Variants in CNTNAP2 observed in about 807,000 individuals in gnomAD.
The protein encoded by CNTNAP2 is contactin associated protein 2, also known as contactin-associated protein-like 2.
A neutral mutation model predicts 155.2 loss-of-function variants in CNTNAP2; 98 were observed. That is an observed-to-expected ratio of 0.63 (90% CI 0.54 to 0.75). CNTNAP2 has a LOEUF of 0.75. Ranked by LOEUF, CNTNAP2 falls within the 30% of genes least tolerant of loss-of-function variation. The pLI, the probability that CNTNAP2 is intolerant of heterozygous loss-of-function variation, is 0.00. For missense variants in CNTNAP2, 1,727 were observed against 1,688.1 expected (o/e 1.02, Z -0.40); for synonymous variants, 651 against 631.2 (o/e 1.03, Z -0.47).
Position 147,225,818 on chromosome 7 carries a change from AGAAGGAAAGAAGGAAG to A in CNTNAP2, c.1349-74316_1349-74301del, listed in dbSNP as rs1563123789. On this transcript the variant is annotated intron_variant, in intron 8 of 23. Coordinates refer to ENST00000361727, the MANE Select transcript of CNTNAP2 (RefSeq NM_014141.6). ...AGGAAGGAAAGAAAGAAAGAAGGAA[AGAAGGAAAGAAGGAAG>A]GAAGGAGGGAAAGAAGGAAGGAGGG... is the stretch of plus-strand genomic sequence containing the variant. 1.4e-3 allele frequency among the ~76,000 whole-genome samples: 173 copies of A among 121,110 alleles called. 1 individual carries two copies. The highest frequency in any genetic ancestry group is 4.8e-3 in the African/African-American group (161 of 33,688). 79.5% of individuals were successfully genotyped at this position (121,110 alleles called of 152,430 possible). A position where few individuals can be genotyped will look rare whatever the true frequency, so the allele number is the denominator to read the frequency against.
intron 1 of CNTNAP2, among the ~76,000 whole-genome samples, chr7:146,720,039 T>C (rs945046253): frequency 6.6e-6 from 1 of 152,172 alleles, no homozygotes; most frequent in Non-Finnish European, 1.5e-5. Context: ...TTGGTTTGTT[T>C]GTTTTTTCTC....
At chr7:147,599,038 A>G (rs940414029) in intron 12 of CNTNAP2, among the ~76,000 whole-genome samples, 2 of 152,202 alleles carry the variant, frequency 1.3e-5, no homozygotes, top group Admixed American at 6.5e-5. Flanking sequence ...CAGCTCGAGA[A>G]TGAACTAATA....
chr7:147,368,675 T>C lies in CNTNAP2; in HGVS notation c.1499-26934T>C, dbSNP rs542760039. Among the ~76,000 whole-genome samples the C allele has an allele frequency of 3.3e-5, 5 of 152,282 alleles. No homozygotes were observed. The East Asian group carries it at 9.7e-4, about 29-fold the overall frequency. On this transcript the variant is annotated intron_variant, in intron 9 of 23. Coordinates refer to ENST00000361727, the MANE Select transcript of CNTNAP2 (RefSeq NM_014141.6). The stretch of plus-strand genomic sequence containing the variant: ...AACCTTTTTAACATGGAAGTCTTCA[T>C]TAAAATAAGGGCATGCATGTATCAA...
Position 146,464,185 on chromosome 7 carries a change from CTG to C in CNTNAP2, c.98-310084_98-310083del, listed in dbSNP as rs1491075063. On this transcript the variant is annotated intron_variant, in intron 1 of 23. Coordinates refer to ENST00000361727, the MANE Select transcript of CNTNAP2 (RefSeq NM_014141.6). ...TTTGCTCAATGTCTTTCCTTTGAAA[CTG>C]TTTTTTTTTTTTTTTTTTTGGCTCT... Among the ~76,000 whole-genome samples the C allele has an allele frequency of 9.3e-3, 843 of 90,878 alleles. 2 individuals are homozygous for C. Among genetic ancestry groups the C allele is most frequent in the Middle Eastern group, 0.048 (8 of 166 alleles). The allele number at this position is 90,878 out of a possible 152,430, so 59.6% of individuals were successfully genotyped here. A position where few individuals can be genotyped will look rare whatever the true frequency, so the allele number is the denominator to read the frequency against.
At chr7:147,289,777 G>T (rs935741156) in intron 8 of CNTNAP2, among the ~76,000 whole-genome samples, 14 of 152,042 alleles carry the variant, frequency 9.2e-5, no homozygotes, top group African/African-American at 3.1e-4. Context: ...CTAAAATATT[G>T]ATCTCTGTAA....
At chr7:147,145,853 G>A (rs886514956) in intron 8 of CNTNAP2, among the ~76,000 whole-genome samples, 1 of 152,142 alleles carries the variant, frequency 6.6e-6, no homozygotes, top group Non-Finnish European at 1.5e-5. Flanking sequence ...TCAGAATAAA[G>A]TATAAGATAA....
At chr7:146,426,864 C>T (rs1027294225) in intron 1 of CNTNAP2, among the ~76,000 whole-genome samples, 2 of 128,176 alleles carry the variant, frequency 1.6e-5, no homozygotes, top group South Asian at 2.2e-4. Context: ...TGCACACACA[C>T]ACACAAAACA....
intron 9 of CNTNAP2, among the ~76,000 whole-genome samples, chr7:147,317,790 G>GTATA (rs1223993348): frequency 1.1e-5 from 1 of 92,302 alleles, no homozygotes; most frequent in Non-Finnish European, 2.0e-5. Flanking sequence ...GTGTGTGTGT[G>GTATA]TGTGTGTGTA....
chr7:146,953,776 G>A (rs1250146420), intron 3 of CNTNAP2, among the ~76,000 whole-genome samples: 1 of 151,788 alleles, frequency 6.6e-6, no homozygotes, highest in Admixed American at 6.6e-5. Flanking sequence ...AACAATTCCA[G>A]CTCTGTTATT....
At chr7:147,928,122 T>C (rs766387044) in intron 14 of CNTNAP2, among the ~76,000 whole-genome samples, 2 of 152,168 alleles carry the variant, frequency 1.3e-5, no homozygotes, top group African/African-American at 2.4e-5. Context: ...CTATCTTGCC[T>C]GCCACCATGT....
chr7:146,615,116 T>C (rs1444694042), intron 1 of CNTNAP2, among the ~76,000 whole-genome samples: 4 of 152,184 alleles, frequency 2.6e-5, no homozygotes, highest in African/African-American at 7.2e-5. Context: ...AATAATGAAA[T>C]TGTATCCTCT....
At chr7:147,577,257 A>G (rs142053524) in intron 12 of CNTNAP2, among the ~76,000 whole-genome samples, 11 of 152,178 alleles carry the variant, frequency 7.2e-5, no homozygotes, top group African/African-American at 2.6e-4. Flanking sequence ...CAGCTTAAGC[A>G]TTAGTTTTCT....
chr7:146,900,528 T>C (rs1585146046), intron 3 of CNTNAP2, among the ~76,000 whole-genome samples: 1 of 152,194 alleles, frequency 6.6e-6, no homozygotes, highest in Admixed American at 6.5e-5. Flanking sequence ...TGTATTTGAA[T>C]GGCTGATAGG....
intron 16 of CNTNAP2, among the ~76,000 whole-genome samples, chr7:148,124,977 G>A (rs996223427): frequency 1.3e-5 from 2 of 152,120 alleles, no homozygotes; most frequent in Non-Finnish European, 2.9e-5. Context: ...CACAGGAATG[G>A]GGAGTGTGAT....
chr7:146,422,121 G>A (rs1379778409), intron 1 of CNTNAP2, among the ~76,000 whole-genome samples: 8 of 150,764 alleles, frequency 5.3e-5, no homozygotes, highest in Non-Finnish European at 1.5e-5. Flanking sequence ...TAGCTTTTGG[G>A]ATACAAATGT....
At chr7:148,265,613 T>C (rs1796654621) in intron 20 of CNTNAP2, among the ~76,000 whole-genome samples, 1 of 152,202 alleles carries the variant, frequency 6.6e-6, no homozygotes, top group Admixed American at 6.6e-5. Flanking sequence ...TAGAAAACTT[T>C]TCAAAATGAT....
At chr7:146,223,592 A>C (rs968933481) in intron 1 of CNTNAP2, among the ~76,000 whole-genome samples, 1 of 152,202 alleles carries the variant, frequency 6.6e-6, no homozygotes, top group African/African-American at 2.4e-5. Flanking sequence ...GCTGGAATGC[A>C]TAAGATACAG....
chr7:146,448,871 AC>A (rs1796439607), intron 1 of CNTNAP2, among the ~76,000 whole-genome samples: 1 of 151,928 alleles, frequency 6.6e-6, no homozygotes, highest in Non-Finnish European at 1.5e-5. Flanking sequence ...GGATGTAGAA[AC>A]CTTGACTCCC....
intron 1 of CNTNAP2, among the ~76,000 whole-genome samples, chr7:146,611,886 T>G (rs1463160022): frequency 2.6e-5 from 4 of 152,210 alleles, no homozygotes; most frequent in Non-Finnish European, 5.9e-5. Flanking sequence ...ACAGAAAGTC[T>G]TCTTTTGCAA....
Sources: gnomAD v4.1 joint callset for allele counts (sites outside exome capture counted in the v4.1 genomes callset) on GRCh38, gnomAD v4.1.1 for gene constraint, MANE v1.5 for transcripts, NCBI Gene and HGNC (gene_info 2026-07-23, HGNC 2026-07-21) for gene names.